SEM1: variants seen among roughly 807,000 people sequenced by gnomAD.
The protein encoded by SEM1 is 26S proteasome complex subunit SEM1.
SEM1 carries 3 observed loss-of-function variants against 12.7 expected under a neutral mutation model. The ratio of observed to expected loss-of-function variants is 0.24; its 90% CI spans 0.11 to 0.61. The LOEUF is 0.61. SEM1 is among the 20% of genes least tolerant of loss of function. SEM1 has a pLI of 0.88. For synonymous variants in SEM1, 30 were observed against 27.8 expected (o/e 1.08, Z -0.25); for missense variants, 59 against 81.3 (o/e 0.73, Z 1.06).
chr7:96,556,559 C>A (rs539145520), intron 2 of SEM1, among the ~76,000 whole-genome samples: 2 of 151,976 alleles, frequency 1.3e-5, no homozygotes, highest in African/African-American at 2.4e-5. Flanking sequence ...CCGAGAAATC[C>A]GCTGTTAGTC....
At chr7:96,484,881 A>G (rs1802692074) in intron 2 of SEM1, 1 of 1,281,896 alleles carries the variant, frequency 7.8e-7, no homozygotes, top group Non-Finnish European at 1.0e-6. Context: ...TCATGATTCA[A>G]GTCTCTGGAA....
chr7:96,520,926 T>G (rs1473427717), intron 2 of SEM1, among the ~76,000 whole-genome samples: 1 of 152,076 alleles, frequency 6.6e-6, no homozygotes, highest in African/African-American at 2.4e-5. Context: ...CCTCCATGGC[T>G]GATTGTCCTG....
intron 2 of SEM1, among the ~76,000 whole-genome samples, chr7:96,644,786 A>G (rs1450326079): frequency 1.3e-5 from 2 of 152,104 alleles, no homozygotes; most frequent in Non-Finnish European, 2.9e-5. Context: ...CTAGGTTTCT[A>G]TTATCCATCT....
intron 2 of SEM1, among the ~76,000 whole-genome samples, chr7:96,689,844 G>A (rs1789875592): frequency 6.6e-6 from 1 of 152,176 alleles, no homozygotes; most frequent in Non-Finnish European, 1.5e-5. Flanking sequence ...AGACTCCAGT[G>A]CAAGACTCTG....
chr7:96,567,822 G>A (rs1025677254), intron 2 of SEM1, among the ~76,000 whole-genome samples: 50 of 150,988 alleles, frequency 3.3e-4, no homozygotes, highest in African/African-American at 1.1e-3. Flanking sequence ...TTAATTTTTT[G>A]TCTTGGTTAT....
At chr7:96,693,263 T>C (rs931395748) in intron 2 of SEM1, among the ~76,000 whole-genome samples, 1 of 152,042 alleles carries the variant, frequency 6.6e-6, no homozygotes, top group Non-Finnish European at 1.5e-5. Context: ...GAGCAAAGTA[T>C]ATGACAGTCT....
At chr7:96,651,633 G>A (rs186043408) in intron 2 of SEM1, among the ~76,000 whole-genome samples, 9 of 152,236 alleles carry the variant, frequency 5.9e-5, no homozygotes, top group Admixed American at 3.3e-4. Context: ...GTGCAGTGGC[G>A]TGATCTCAGC....
chr7:96,636,203 A>G (rs985326824), intron 2 of SEM1, among the ~76,000 whole-genome samples: 6 of 152,096 alleles, frequency 3.9e-5, no homozygotes, highest in African/African-American at 1.2e-4. Flanking sequence ...GATATATAAC[A>G]CAAGGTGAAG....
chr7:96,551,224 C>T (rs1021499421), intron 2 of SEM1, among the ~76,000 whole-genome samples: 2 of 152,146 alleles, frequency 1.3e-5, no homozygotes, highest in Admixed American at 6.5e-5. Context: ...TACCAAAATT[C>T]ATTGAGCATA....
chr7:96,703,162 G>C (rs1790323388), intron 1 of SEM1, among the ~76,000 whole-genome samples: 1 of 152,144 alleles, frequency 6.6e-6, no homozygotes, highest in Non-Finnish European at 1.5e-5. Flanking sequence ...TGAAATACTT[G>C]CATTATATAT....
At chr7:96,643,885 G>A (rs1176732471) in intron 2 of SEM1, among the ~76,000 whole-genome samples, 1 of 151,998 alleles carries the variant, frequency 6.6e-6, no homozygotes, top group East Asian at 1.9e-4. Context: ...GGTTGTGTTT[G>A]AAAATAAAGG....
chr7:96,661,650 T>C (rs761957561), intron 2 of SEM1, among the ~76,000 whole-genome samples: 6 of 152,126 alleles, frequency 3.9e-5, no homozygotes, highest in Non-Finnish European at 8.8e-5. Context: ...AAAAGTAACA[T>C]TGTATATCTT....
downstream of SEM1, among the ~76,000 whole-genome samples, chr7:96,621,451 C>T (rs931171709): frequency 1.3e-5 from 2 of 152,086 alleles, no homozygotes; most frequent in Non-Finnish European, 2.9e-5. Context: ...TGTAGAGTAG[C>T]CTGGGGTTTG....
chr7:96,596,949 G>GCA (rs1381808650), intron 2 of SEM1, among the ~76,000 whole-genome samples: 1 of 152,054 alleles, frequency 6.6e-6, no homozygotes, highest in Non-Finnish European at 1.5e-5. Flanking sequence ...TATGCCATCT[G>GCA]AAAAAAGAAA....
chr7:96,522,298 A>G (rs1428102402), intron 2 of SEM1, among the ~76,000 whole-genome samples: 1 of 152,090 alleles, frequency 6.6e-6, no homozygotes. Flanking sequence ...GGTGCTGAGG[A>G]ATTAAAATAT....
Position 96,485,533 on chromosome 7 carries a change from A to AT in SEM1, c.227+669dup, listed in dbSNP as rs1802715905. Among the ~76,000 whole-genome samples, 3 of 88,770 alleles carry AT rather than the reference A, an allele frequency of 3.4e-5. 1 individual carries two copies. In the South Asian group the frequency reaches 1.1e-3, roughly 34 times the overall value. The allele number at this position is 88,770 out of a possible 152,430, so 58.2% of individuals were successfully genotyped here. A position where few individuals can be genotyped will look rare whatever the true frequency, so the allele number is the denominator to read the frequency against. On this transcript the variant is annotated intron_variant, in intron 2 of 3. Transcript: ENST00000356686. ...CCCAAGCTAATCTTCCCATCTCTAC[A>AT]TTCTTTTTTTTTTTTTTTTTTTTTT... is the stretch of plus-strand genomic sequence containing the variant.
intron 2 of SEM1, among the ~76,000 whole-genome samples, chr7:96,533,084 C>T (rs1250374652): frequency 6.6e-6 from 1 of 152,074 alleles, no homozygotes; most frequent in Non-Finnish European, 1.5e-5. Flanking sequence ...TCTTATACAC[C>T]CAGCAATATG....
chr7:96,613,480 A>G (rs1807605990), intron 2 of SEM1, among the ~76,000 whole-genome samples: 1 of 152,204 alleles, frequency 6.6e-6, no homozygotes, highest in African/African-American at 2.4e-5. Context: ...TAAACATTGT[A>G]AAATAATCAA....
chr7:96,655,414 A>G (rs891379660), intron 2 of SEM1, among the ~76,000 whole-genome samples: 3 of 149,024 alleles, frequency 2.0e-5, no homozygotes, highest in Non-Finnish European at 4.4e-5. Context: ...CTACTAAAGT[A>G]TATTTGACAT....
Sources: allele counts gnomAD v4.1 joint callset (sites outside exome capture counted in the v4.1 genomes callset), GRCh38; gene constraint gnomAD v4.1.1; transcripts MANE v1.5; gene names NCBI Gene and HGNC (gene_info 2026-07-23, HGNC 2026-07-21).